Variants in SLC16A10 observed in about 807,000 individuals in gnomAD.
SLC16A10 encodes the protein solute carrier family 16 member 10.
SLC16A10 carries 27 observed loss-of-function variants against 40.0 expected under a neutral mutation model. The observed-to-expected ratio is 0.67, with a 90% CI of 0.50 to 0.93. The LOEUF is 0.93. SLC16A10 is among the 40% of genes least tolerant of loss of function. The probability of loss-of-function intolerance (pLI) is 0.00; values close to 1 mark genes in which losing one functional copy is unlikely to be tolerated. For synonymous variants in SLC16A10, 213 were observed against 249.8 expected (o/e 0.85, Z 1.39); for missense variants, 529 against 658.2 (o/e 0.80, Z 2.15).
intron 4 of SLC16A10, among the ~76,000 whole-genome samples, chr6:111,207,101 A>T (rs766560553): frequency 2.6e-5 from 4 of 152,164 alleles, no homozygotes; most frequent in Admixed American, 6.5e-5. Context: ...AAAGTGGCTT[A>T]AATTCTTCTA....
chr6:111,193,385 C>T (rs1773028305), intron 3 of SLC16A10: 2 of 901,970 alleles, frequency 2.2e-6, no homozygotes, highest in Non-Finnish European at 2.7e-6. Flanking sequence ...CCAGCATTCT[C>T]CTACTTGAGA....
Position 111,225,521 on chromosome 6 carries a change from G to T in SLC16A10, c.*3286G>T, listed in dbSNP as rs1218678607. The T allele has an allele frequency of 1.4e-5, 2 of 145,258 alleles. No individual in the cohort carries two copies. Among genetic ancestry groups the T allele is most frequent in the African/African-American group, 2.6e-5 (1 of 38,536 alleles). 9.0% of individuals were successfully genotyped at this position (145,258 alleles called of 1,614,324 possible). A position where few individuals can be genotyped will look rare whatever the true frequency, so the allele number is the denominator to read the frequency against. On this transcript the variant is annotated 3_prime_UTR_variant, in exon 6 of 6. Coordinates refer to ENST00000368851, the MANE Select transcript of SLC16A10 (RefSeq NM_018593.5). ...GGCGAGATTGCGCCACTGCACTCCA[G>T]CCTGGGCGACAGAGCGAGACTCCAT...
intron 1 of SLC16A10, among the ~76,000 whole-genome samples, chr6:111,148,168 T>G (rs1476236954): frequency 6.6e-6 from 1 of 152,142 alleles, no homozygotes; most frequent in Non-Finnish European, 1.5e-5. Flanking sequence ...GATCCTATCT[T>G]TCTCCTAAGC....
chr6:111,157,145 C>A (rs1772284966), intron 1 of SLC16A10, among the ~76,000 whole-genome samples: 1 of 152,124 alleles, frequency 6.6e-6, no homozygotes, highest in Non-Finnish European at 1.5e-5. Context: ...TCTTGAACTC[C>A]TGACCTCAGG....
At chr6:111,149,153 A>G (rs932361203) in intron 1 of SLC16A10, among the ~76,000 whole-genome samples, 4 of 152,214 alleles carry the variant, frequency 2.6e-5, no homozygotes, top group Admixed American at 6.5e-5. Flanking sequence ...TAGTAATTCA[A>G]CTATGATTCT....
At chr6:111,096,478 A>G (rs554952936) in intron 1 of SLC16A10, among the ~76,000 whole-genome samples, 1 of 151,030 alleles carries the variant, frequency 6.6e-6, no homozygotes, top group African/African-American at 2.4e-5. Context: ...ACACCTGGGA[A>G]CTGCGCAGAC....
chr6:111,222,149 A>G lies in SLC16A10; in HGVS notation c.1462A>G (p.Lys488Glu). Residue 488 changes from lysine (K) to glutamate (E), a missense_variant, in exon 6 of 6, where the codon AAG becomes GAG. Transcript: ENST00000368851. ...REISKTTGKEKMEKMLENQNS... is the reference protein window; with the variant it reads ...REISKTTGKEEMEKMLENQNS... The stretch of plus-strand genomic sequence containing the variant: ...GATCAGTAAAACCACTGGAAAAGAA[A>G]AGATGGAGAAAATGTTGGAAAACCA... 5.6e-6 allele frequency: 9 copies of G among 1,607,592 alleles called. No homozygotes were observed. The highest frequency in any genetic ancestry group is 7.6e-6 in the Non-Finnish European group (9 of 1,178,442).
intron 1 of SLC16A10, among the ~76,000 whole-genome samples, chr6:111,138,694 G>A (rs1355284266): frequency 2.0e-5 from 3 of 151,286 alleles, no homozygotes; most frequent in African/African-American, 7.3e-5. Flanking sequence ...GAATCTTGCT[G>A]AGGCTGGATT....
intron 1 of SLC16A10, among the ~76,000 whole-genome samples, chr6:111,164,900 A>G (rs979830841): frequency 3.9e-5 from 6 of 152,190 alleles, no homozygotes; most frequent in Non-Finnish European, 8.8e-5. Context: ...AAAACTTTTT[A>G]TTTTTCAAAT....
At position 111,172,727 on chromosome 6, in the gene SLC16A10, T is replaced by C. The variant is rs750447535; in HGVS notation, c.376T>C (p.Phe126Leu). ...AGGTTCTCTCTCCATGGGGATGATT[T>C]TCTTTTGCTGCCCAATAGTCAGCGT... ...WVGSLSMGMI[F>L]FCCPIVSVFT... The change falls in exon 2 of 6, where the codon TTC becomes CTC. Residue 126 changes from phenylalanine (F) to leucine (L), a missense_variant. Physicochemically the swap from Phe to Leu is conservative, Grantham distance 22. Coordinates refer to ENST00000368851, the MANE Select transcript of SLC16A10 (RefSeq NM_018593.5). 6.2e-7 allele frequency: 1 copy of C among 1,614,146 alleles called. No homozygotes were observed. Among genetic ancestry groups the C allele is most frequent in the Non-Finnish European group, 8.5e-7 (1 of 1,179,984 alleles).
chr6:111,216,824 A>AC (rs1258595206), intron 4 of SLC16A10, among the ~76,000 whole-genome samples: 1 of 152,088 alleles, frequency 6.6e-6, no homozygotes, highest in Non-Finnish European at 1.5e-5. Flanking sequence ...AAAAGAACTA[A>AC]CCCAATATGA....
intron 3 of SLC16A10, among the ~76,000 whole-genome samples, chr6:111,194,957 C>T (rs1324048562): frequency 6.6e-6 from 1 of 152,114 alleles, no homozygotes; most frequent in African/African-American, 2.4e-5. Context: ...CCACCACCCC[C>T]GCTTCCTTGT....
chr6:111,138,709 CTCCGGGGCTCAAGTGA>C (rs1377269851), intron 1 of SLC16A10, among the ~76,000 whole-genome samples: 2 of 151,844 alleles, frequency 1.3e-5, no homozygotes, highest in East Asian at 3.9e-4. Flanking sequence ...TGGATTCAAA[CTCCGGGGCTCAAGTGA>C]TCCTCCTGCC....
chr6:111,106,547 C>T (rs1028559132), intron 1 of SLC16A10, among the ~76,000 whole-genome samples: 4 of 152,114 alleles, frequency 2.6e-5, no homozygotes, highest in South Asian at 2.1e-4. Flanking sequence ...TATGGAAGAA[C>T]GTCAAGGCAA....
intron 5 of SLC16A10, 96 bp downstream of exon 5, chr6:111,219,138 G>A (rs1770839564): frequency 9.0e-7 from 1 of 1,112,620 alleles, no homozygotes; most frequent in African/African-American, 1.6e-5. Flanking sequence ...CATATTACAG[G>A]TTATTGATTA....
At chr6:111,150,039 A>G (rs1343235555) in intron 1 of SLC16A10, among the ~76,000 whole-genome samples, 4 of 152,210 alleles carry the variant, frequency 2.6e-5, no homozygotes, top group Admixed American at 1.3e-4. Flanking sequence ...ACTTAATCCT[A>G]TGGGCTGAAT....
At chr6:111,136,383 C>A (rs1771878312) in intron 1 of SLC16A10, among the ~76,000 whole-genome samples, 1 of 152,184 alleles carries the variant, frequency 6.6e-6, no homozygotes, top group Non-Finnish European at 1.5e-5. Flanking sequence ...GTAGTGGCGG[C>A]AGTAGCAGTC....
intron 4 of SLC16A10, among the ~76,000 whole-genome samples, chr6:111,216,401 C>A (rs1399581538): frequency 6.7e-6 from 1 of 148,950 alleles, no homozygotes; most frequent in Non-Finnish European, 1.5e-5. Context: ...AACTCGTATT[C>A]TTTTCTTTTC....
At chr6:111,142,978 A>G (rs2114505110) in intron 1 of SLC16A10, among the ~76,000 whole-genome samples, 1 of 152,376 alleles carries the variant, frequency 6.6e-6, no homozygotes, top group South Asian at 2.1e-4. Context: ...GATGTCCTTC[A>G]ATAGGTAAAT....
Sources: gnomAD v4.1 joint callset for allele counts (sites outside exome capture counted in the v4.1 genomes callset) on GRCh38, gnomAD v4.1.1 for gene constraint, MANE v1.5 for transcripts, NCBI Gene and HGNC (gene_info 2026-07-23, HGNC 2026-07-21) for gene names.